KIFC3: variants seen among roughly 807,000 people sequenced by gnomAD.
KIFC3 encodes the protein kinesin-like protein KIFC3.
KIFC3 carries 60 observed loss-of-function variants against 101.8 expected under a neutral mutation model. The ratio of observed to expected loss-of-function variants is 0.59; its 90% CI spans 0.48 to 0.73. The LOEUF (loss-of-function observed/expected upper bound fraction) is 0.73, where lower values mean the gene tolerates loss of function less well. Among genes scored for constraint, KIFC3 ranks in the 30% least tolerant of loss-of-function variants. The pLI is 0.00. For synonymous variants in KIFC3, 476 were observed against 482.7 expected, an observed-to-expected ratio of 0.99 and a Z score of 0.18; for missense variants, 966 against 1,137.1, an observed-to-expected ratio of 0.85 and a Z score of 2.16.
intron 1 of KIFC3, among the ~76,000 whole-genome samples, chr16:57,847,250 GGAAGGAA>G (rs2055943942): frequency 9.5e-6 from 1 of 105,082 alleles, no homozygotes; most frequent in Non-Finnish European, 1.8e-5. Flanking sequence ...AAGGAAGGAA[GGAAGGAA>G]GGAAGGAAGG....
intron 3 of KIFC3, among the ~76,000 whole-genome samples, chr16:57,787,917 C>T (rs1192382374): frequency 6.6e-6 from 1 of 152,248 alleles, no homozygotes; most frequent in African/African-American, 2.4e-5. Context: ...GAAAGGCCAG[C>T]TCCTTTTTCC....
chr16:57,850,473 T>G (rs1346778866), intron 1 of KIFC3, among the ~76,000 whole-genome samples: 8 of 113,186 alleles, frequency 7.1e-5, no homozygotes, highest in Admixed American at 2.6e-4. Flanking sequence ...GGGTTTTTTT[T>G]TTTTTTTTTT....
At chr16:57,763,392 G>A (rs1002980025) in intron 12 of KIFC3, among the ~76,000 whole-genome samples, 3 of 151,984 alleles carry the variant, frequency 2.0e-5, no homozygotes, top group East Asian at 1.9e-4. Flanking sequence ...TCCCAGAATC[G>A]AGGGAACAGC....
intron 3 of KIFC3, chr16:57,785,626 C>T (rs1278875601): frequency 1.4e-5 from 18 of 1,263,122 alleles, no homozygotes; most frequent in Non-Finnish European, 1.8e-5. Flanking sequence ...CTGGTGGCCC[C>T]GACAAGCTCG....
chr16:57,791,593 T>C (rs1380670910), intron 3 of KIFC3, among the ~76,000 whole-genome samples: 1 of 152,164 alleles, frequency 6.6e-6, no homozygotes, highest in East Asian at 1.9e-4. Flanking sequence ...AATGGAGCTT[T>C]GTGGGGGCCC....
rs201419977 is a variant in KIFC3 at position 57,769,775 on chromosome 16, G to T, written c.1087+33C>A. The T allele has an allele frequency of 7.4e-6, 12 of 1,612,782 alleles. No homozygotes were observed. The Admixed American group carries it at 2.0e-4, about 27-fold the overall frequency. On this transcript the variant is annotated intron_variant, in intron 8 of 19. Transcript: ENST00000445690. This position sits in a 1 kb window ranked among gnomAD's most constrained non-coding sequence, Gnocchi z 4.3. The stretch of plus-strand genomic sequence containing the variant: ...GCGGGAGGGGATGAGGGGCCGCGGC[G>T]TGGGGCAGACAGGGCCCAGCTGGTC...
chr16:57,787,883 T>C (rs1460170341), intron 3 of KIFC3, among the ~76,000 whole-genome samples: 1 of 152,228 alleles, frequency 6.6e-6, no homozygotes, highest in Non-Finnish European at 1.5e-5. Flanking sequence ...GTTAACCTTT[T>C]GGCAATGGAG....
Position 57,769,655 on chromosome 16 carries a change from C to T in KIFC3, c.1158G>A (p.Lys386=). ...GCAGTGGGAAGCCGCGCACCTGCCG[C>T]TTGAGCCCATTGTAGTCGTTGGTGA... ...RTLTNDYNGL[K]RQVRGFPLLL... The change falls in exon 9 of 20, where the codon AAG becomes AAA. Residue 386 remains lysine, a synonymous_variant. Transcript: ENST00000445690. This position sits in a 1 kb window ranked among gnomAD's most constrained non-coding sequence, Gnocchi z 4.3. 1 of 1,611,914 alleles carries T rather than the reference C, an allele frequency of 6.2e-7. No individual in the cohort carries two copies. The highest frequency in any genetic ancestry group is 8.5e-7 in the Non-Finnish European group (1 of 1,180,022).
chr16:57,793,376 C>A (rs1217891434), intron 3 of KIFC3, among the ~76,000 whole-genome samples: 1 of 144,998 alleles, frequency 6.9e-6, no homozygotes, highest in Non-Finnish European at 1.5e-5. Context: ...GCAGATCACT[C>A]GAGGTTAGGA....
In KIFC3 at chr16:57,760,270, C is replaced by G; in HGVS notation, c.2367+12G>C. On this transcript the variant is annotated intron_variant, in intron 17 of 19. Transcript: ENST00000445690. The stretch of plus-strand genomic sequence containing the variant: ...AGGGCCACCTGAGCCAGGCCTGTGA[C>G]AGTCCCCGTACCTCTAGATGCTCCT... The G allele has an allele frequency of 1.9e-6, 3 of 1,605,954 alleles. No individual in the cohort carries two copies. The South Asian group carries it at 3.3e-5, about 18-fold the overall frequency.
Position 57,769,613 on chromosome 16 carries a change from G to A in KIFC3, c.1200C>T (p.Leu400=). 1.2e-6 allele frequency: 2 copies of A among 1,610,832 alleles called. No individual in the cohort carries two copies. Among genetic ancestry groups the A allele is most frequent in the Non-Finnish European group, 1.7e-6 (2 of 1,179,938 alleles). The change falls in exon 9 of 20, where the codon CTC becomes CTT. Residue 400 remains leucine (L), a synonymous_variant. Coordinates refer to ENST00000445690, the MANE Select transcript of KIFC3 (RefSeq NM_001130100.2). The surrounding 1 kb of genome is among the most constrained non-coding windows in gnomAD (Gnocchi z 4.3). ...RGFPLLLQEA[L]RSVKAEIGQA... is the part of the protein sequence containing the mutation. ...CGCTCACCTCGGCCTTGACACTCCT[G>A]AGGGCCTCCTGCAGCAGCAGTGGGA...
chr16:57,780,105 G>C (rs868929142), intron 3 of KIFC3, among the ~76,000 whole-genome samples: 1 of 152,204 alleles, frequency 6.6e-6, no homozygotes, highest in Non-Finnish European at 1.5e-5. Context: ...CTTGACATGT[G>C]GGGATTACAA....
At chr16:57,774,932 C>A in intron 3 of KIFC3, 1 of 1,482,878 alleles carries the variant, frequency 6.7e-7, no homozygotes. Flanking sequence ...CACGCCCCCT[C>A]CCTCCCCAGA....
chr16:57,785,578 C>T, intron 3 of KIFC3: 12 of 1,287,732 alleles, frequency 9.3e-6, no homozygotes, highest in Non-Finnish European at 1.2e-5. Context: ...GGAGCTGGGA[C>T]ATGGCCTCCA....
intron 3 of KIFC3, among the ~76,000 whole-genome samples, chr16:57,791,477 C>T (rs1555620350): frequency 6.6e-6 from 1 of 152,194 alleles, no homozygotes; most frequent in East Asian, 1.9e-4. Flanking sequence ...GTTTTAACTG[C>T]TGGACAGAGG....
chr16:57,816,330 T>C, intron 1 of KIFC3: 2 of 1,123,644 alleles, frequency 1.8e-6, no homozygotes, highest in African/African-American at 1.6e-5. Context: ...TTCCCGTGTG[T>C]CTTCAGGATC....
intron 1 of KIFC3, among the ~76,000 whole-genome samples, chr16:57,821,564 G>A (rs1568086548): frequency 2.0e-5 from 3 of 152,274 alleles, no homozygotes; most frequent in South Asian, 4.1e-4. Context: ...GTGCCCATTT[G>A]CTGGCAATCT....
chr16:57,801,229 C>A (rs1568063461), intron 1 of KIFC3, among the ~76,000 whole-genome samples: 1 of 152,206 alleles, frequency 6.6e-6, no homozygotes, highest in African/African-American at 2.4e-5. Flanking sequence ...AGGGACATTG[C>A]AAAGACTGGG....
intron 3 of KIFC3, chr16:57,779,487 G>A (rs2052478716): frequency 6.6e-6 from 1 of 152,150 alleles, no homozygotes; most frequent in Non-Finnish European, 1.5e-5. Context: ...TTTTCACACT[G>A]CTATAAAGAA....
Sources: gnomAD v4.1 joint callset for allele counts (sites outside exome capture counted in the v4.1 genomes callset) on GRCh38, gnomAD v4.1.1 for gene constraint, Gnocchi (gnomAD v3.1) non-coding constraint, MANE v1.5 for transcripts, NCBI Gene and HGNC (gene_info 2026-07-23, HGNC 2026-07-21) for gene names.